TOX: variants seen among roughly 807,000 people sequenced by gnomAD.
The protein encoded by TOX is thymocyte selection-associated high mobility group box protein TOX.
TOX carries 11 observed loss-of-function variants against 53.7 expected under a neutral mutation model. The ratio of observed to expected loss-of-function variants is 0.20; its 90% CI spans 0.13 to 0.34. The LOEUF (loss-of-function observed/expected upper bound fraction) is 0.34, where lower values mean the gene tolerates loss of function less well. Among genes scored for constraint, TOX ranks in the 10% least tolerant of loss-of-function variants. The pLI is 1.00. For synonymous variants in TOX, 225 were observed against 245.3 expected (o/e 0.92, Z 0.77); for missense variants, 570 against 664.6 (o/e 0.86, Z 1.56).
intron 3 of TOX, among the ~76,000 whole-genome samples, chr8:58,881,321 G>A (rs778119249): frequency 6.6e-6 from 1 of 152,064 alleles, no homozygotes; most frequent in Non-Finnish European, 1.5e-5. Flanking sequence ...AGACAATAAA[G>A]TTTGCTTTAA....
intron 1 of TOX, among the ~76,000 whole-genome samples, chr8:58,997,274 C>T (rs1042692026): frequency 8.1e-5 from 11 of 136,316 alleles, no homozygotes; most frequent in East Asian, 2.2e-4. Flanking sequence ...TGAAAGTTAT[C>T]GTGAAGATGT....
chr8:59,098,484 C>G (rs763660813), intron 1 of TOX, among the ~76,000 whole-genome samples: 2 of 150,844 alleles, frequency 1.3e-5, no homozygotes, highest in African/African-American at 4.9e-5. Flanking sequence ...TTCCTTGAAT[C>G]CTGCTGGTAT....
chr8:58,912,278 G>C (rs1811921589), intron 3 of TOX, among the ~76,000 whole-genome samples: 1 of 152,134 alleles, frequency 6.6e-6, no homozygotes, highest in African/African-American at 2.4e-5. Context: ...TTTGCCCTCT[G>C]ACAGGCATAA....
In TOX at chr8:58,869,597, T is replaced by A. The variant is rs534191874; in HGVS notation, c.412-17792A>T. ...AACACAAGAAAAGAAAATTAAAGAC[T>A]GTTAACTCTCATAAACACAAATGCA... On this transcript the variant is annotated intron_variant, in intron 3 of 8. Transcript: ENST00000361421. Among the ~76,000 whole-genome samples, 11 of 152,198 alleles carry A rather than the reference T, an allele frequency of 7.2e-5. No individual in the cohort carries two copies. The East Asian group carries it at 2.1e-3, about 29-fold the overall frequency.
At chr8:58,825,393 T>G in intron 6 of TOX, among the ~76,000 whole-genome samples, 1 of 152,218 alleles carries the variant, frequency 6.6e-6, no homozygotes. Flanking sequence ...TTATACAAAT[T>G]GCCGTACACT....
intron 1 of TOX, among the ~76,000 whole-genome samples, chr8:59,021,481 A>AAAAAAAATAT (rs59174995): frequency 4.6e-5 from 3 of 64,734 alleles, no homozygotes; most frequent in African/African-American, 1.1e-4. Flanking sequence ...AAAAAAAAAA[A>AAAAAAAATAT]ATATATATAT....
At chr8:58,876,329 C>G (rs998882601) in intron 3 of TOX, among the ~76,000 whole-genome samples, 5 of 151,992 alleles carry the variant, frequency 3.3e-5, no homozygotes, top group Non-Finnish European at 5.9e-5. Flanking sequence ...GATATTGGGT[C>G]CTGGTAGACA....
At chr8:59,110,495 C>A (rs1202553605) in intron 1 of TOX, among the ~76,000 whole-genome samples, 1 of 152,072 alleles carries the variant, frequency 6.6e-6, no homozygotes, top group Non-Finnish European at 1.5e-5. Context: ...GCTTTAGGCC[C>A]AGTTGGCCCA....
intron 1 of TOX, among the ~76,000 whole-genome samples, chr8:58,987,606 C>A (rs1813357195): frequency 6.6e-6 from 1 of 152,190 alleles, no homozygotes; most frequent in Non-Finnish European, 1.5e-5. Context: ...GAGGAGTAGA[C>A]CACTGGAACT....
intron 1 of TOX, among the ~76,000 whole-genome samples, chr8:59,046,728 C>T (rs560939291): frequency 2.2e-4 from 34 of 151,724 alleles, no homozygotes; most frequent in Admixed American, 1.4e-3. Context: ...CGTGGTGGCA[C>T]GCACCTGTAG....
At chr8:59,060,959 T>A (rs1041232607) in intron 1 of TOX, among the ~76,000 whole-genome samples, 1 of 152,114 alleles carries the variant, frequency 6.6e-6, no homozygotes, top group Non-Finnish European at 1.5e-5. Context: ...GAAAACCTAT[T>A]TGAAAAATAC....
At position 59,095,163 on chromosome 8, in the gene TOX, G is replaced by A. The variant is rs181100015; in HGVS notation, c.102+23723C>T. Reference sequence around the variant, plus strand: ...GATTTTGTTAATTTTGTTGAATTATGTAATTGAGGTCACTTGTTTTAGGAT... The same window carrying A: ...GATTTTGTTAATTTTGTTGAATTATATAATTGAGGTCACTTGTTTTAGGAT... On this transcript the variant is annotated intron_variant, in intron 1 of 8. Transcript: ENST00000361421. Among the ~76,000 whole-genome samples, 4 of 152,214 alleles carry A rather than the reference G, an allele frequency of 2.6e-5. No homozygotes were observed. In the East Asian group the frequency reaches 7.7e-4, roughly 29 times the overall value.
chr8:58,951,229 C>A (rs1157443813), intron 2 of TOX, among the ~76,000 whole-genome samples: 1 of 152,156 alleles, frequency 6.6e-6, no homozygotes. Flanking sequence ...TTAAGTCACT[C>A]TACCTCTCTA....
chr8:58,977,469 T>C (rs972674695), intron 1 of TOX, among the ~76,000 whole-genome samples: 4 of 152,244 alleles, frequency 2.6e-5, no homozygotes, highest in Admixed American at 6.5e-5. Context: ...TTTCTTATTA[T>C]TGGTATGTTC....
chr8:58,948,918 T>C (rs944466778), intron 2 of TOX, among the ~76,000 whole-genome samples: 1 of 152,214 alleles, frequency 6.6e-6, no homozygotes, highest in African/African-American at 2.4e-5. Context: ...AGATTCTTTT[T>C]AGTGCATATT....
chr8:59,113,106 G>A (rs1586027343), intron 1 of TOX, among the ~76,000 whole-genome samples: 1 of 152,164 alleles, frequency 6.6e-6, no homozygotes, highest in Non-Finnish European at 1.5e-5. Context: ...ATATTCTGAT[G>A]AGAATACATC....
intron 3 of TOX, among the ~76,000 whole-genome samples, chr8:58,912,669 T>C (rs1033626759): frequency 6.6e-6 from 1 of 152,224 alleles, no homozygotes; most frequent in Non-Finnish European, 1.5e-5. Flanking sequence ...CTCTGTGGGC[T>C]GCGCTTTGAG....
chr8:59,031,217 T>TAA (rs1446040800), intron 1 of TOX, among the ~76,000 whole-genome samples: 1 of 152,184 alleles, frequency 6.6e-6, no homozygotes, highest in African/African-American at 2.4e-5. Flanking sequence ...AACTCACACT[T>TAA]AAAGTTCTGA....
At chr8:59,057,766 A>C (rs765313902) in intron 1 of TOX, among the ~76,000 whole-genome samples, 5 of 152,224 alleles carry the variant, frequency 3.3e-5, no homozygotes, top group Non-Finnish European at 7.3e-5. Context: ...TACAAGCAAT[A>C]TGTATTCCTT....
Sources: gnomAD v4.1 joint callset for allele counts (sites outside exome capture counted in the v4.1 genomes callset) on GRCh38, gnomAD v4.1.1 for gene constraint, MANE v1.5 for transcripts, NCBI Gene and HGNC (gene_info 2026-07-23, HGNC 2026-07-21) for gene names.